EVI5: variants seen among roughly 807,000 people sequenced by gnomAD.
The protein encoded by EVI5 is ecotropic viral integration site 5 protein homolog.
A neutral mutation model predicts 112.0 loss-of-function variants in EVI5; 73 were observed. The ratio of observed to expected loss-of-function variants is 0.65; its 90% confidence interval spans 0.54 to 0.79. The LOEUF (loss-of-function observed/expected upper bound fraction) is 0.79. Ranked by LOEUF, EVI5 falls within the 30% of genes least tolerant of loss-of-function variation. The pLI, the probability that EVI5 is intolerant of heterozygous loss-of-function variation, is 0.00. For synonymous variants in EVI5, 305 were observed against 319.9 expected (o/e 0.95, Z 0.50); for missense variants, 900 against 968.8 (o/e 0.93, Z 0.94).
intron 5 of EVI5, among the ~76,000 whole-genome samples, 171 bp from the exon 6 acceptor site, chr1:92,698,156 T>C (rs981456008): frequency 2.0e-5 from 3 of 152,298 alleles, no homozygotes; most frequent in African/African-American, 4.8e-5. Flanking sequence ...TCCCATTCTA[T>C]CACCAAGAAT....
At position 92,671,625 on chromosome 1, in the gene EVI5, A is replaced by C. The variant is rs192568994; in HGVS notation, c.1158+5533T>G. ...AATTGGGCTCCTGGTATCCCCACTAAACCAAATCCTTCTGGAGTCTTTCCC... is the reference window on the plus strand; with the variant it reads ...AATTGGGCTCCTGGTATCCCCACTACACCAAATCCTTCTGGAGTCTTTCCC... On this transcript the variant is annotated intron_variant, in intron 10 of 19. Transcript: ENST00000684568. 1.3e-4 allele frequency among the ~76,000 whole-genome samples: 20 copies of C among 152,128 alleles called. No individual in the cohort carries two copies. The East Asian group carries it at 3.5e-3, about 26-fold the overall frequency.
At chr1:92,744,805 A>T (rs1679018930) in intron 1 of EVI5, among the ~76,000 whole-genome samples, 1 of 152,188 alleles carries the variant, frequency 6.6e-6, no homozygotes, top group Admixed American at 6.5e-5. Context: ...CAAGCTATGT[A>T]GTGAATCACA....
intron 1 of EVI5, among the ~76,000 whole-genome samples, chr1:92,771,595 T>C (rs1490716799): frequency 7.9e-6 from 1 of 126,374 alleles, no homozygotes; most frequent in Admixed American, 9.2e-5. Context: ...AAGGAATATA[T>C]CAATTTTCTT....
At chr1:92,605,215 C>G in intron 18 of EVI5, 92 bp downstream of exon 18, 1 of 855,030 alleles carries the variant, frequency 1.2e-6, no homozygotes, top group South Asian at 1.6e-5. Flanking sequence ...AAAAGAATCA[C>G]AGTCACGAGG....
intron 17 of EVI5, among the ~76,000 whole-genome samples, chr1:92,605,766 G>A (rs928052129): frequency 2.0e-5 from 3 of 152,048 alleles, no homozygotes; most frequent in Non-Finnish European, 4.4e-5. Flanking sequence ...AAATTAAGTT[G>A]AGAGGGAAAA....
chr1:92,547,401 G>T (rs1405695854), intron 19 of EVI5, among the ~76,000 whole-genome samples: 4 of 152,186 alleles, frequency 2.6e-5, no homozygotes, highest in Non-Finnish European at 4.4e-5. Flanking sequence ...AAGCAGGAAA[G>T]ATCTAAAATT....
intron 13 of EVI5, among the ~76,000 whole-genome samples, chr1:92,646,420 T>C (rs952240755): frequency 6.6e-6 from 1 of 152,196 alleles, no homozygotes; most frequent in Non-Finnish European, 1.5e-5. Context: ...GACCCCTCTT[T>C]GTCCACAGCT....
At chr1:92,552,655 A>G (rs1458094154) in intron 19 of EVI5, among the ~76,000 whole-genome samples, 2 of 152,278 alleles carry the variant, frequency 1.3e-5, no homozygotes, top group East Asian at 3.9e-4. Context: ...ATCAGATTCA[A>G]ATCCCTTGTT....
At chr1:92,673,047 G>T (rs574030414) in intron 10 of EVI5, among the ~76,000 whole-genome samples, 1 of 152,204 alleles carries the variant, frequency 6.6e-6, no homozygotes, top group South Asian at 2.1e-4. Flanking sequence ...CTTTAATAAT[G>T]CTGTTTTAAG....
At chr1:92,524,158 A>AG (rs1376638162) in intron 19 of EVI5, among the ~76,000 whole-genome samples, 2 of 151,760 alleles carry the variant, frequency 1.3e-5, no homozygotes, top group East Asian at 1.9e-4. Flanking sequence ...AAAAAAAAAA[A>AG]AAAGATTCTT....
At chr1:92,711,478 C>T (rs755100582) in intron 2 of EVI5, among the ~76,000 whole-genome samples, 1 of 152,076 alleles carries the variant, frequency 6.6e-6, no homozygotes, top group African/African-American at 2.4e-5. Flanking sequence ...GGAAGAAAAA[C>T]GCTGTATGAT....
intron 13 of EVI5, among the ~76,000 whole-genome samples, chr1:92,649,544 A>C (rs903932477): frequency 6.6e-6 from 1 of 152,196 alleles, no homozygotes; most frequent in Non-Finnish European, 1.5e-5. Flanking sequence ...GGCTGAGCAC[A>C]GTGGCTTATG....
Position 92,662,842 on chromosome 1 carries a change from C to T in EVI5, c.1269G>A (p.Glu423=), listed in dbSNP as rs1664251994. 1 of 1,288,086 alleles carries T rather than the reference C, an allele frequency of 7.8e-7. No homozygotes were observed. The allele number at this position is 1,288,086 out of a possible 1,614,324, so 79.8% of individuals were successfully genotyped here. A position where few individuals can be genotyped will look rare whatever the true frequency, so the allele number is the denominator to read the frequency against. ...GTTTTATGAGGTAGTTTTCCTCAGCCTCCTGGGCTCTTGTCACTTGTCCCT... is the reference window on the plus strand; with the variant it reads ...GTTTTATGAGGTAGTTTTCCTCAGCTTCCTGGGCTCTTGTCACTTGTCCCT... ...LIQGQVTRAQ[E]AEENYLIKRE... The change falls in exon 13 of 20, where the codon GAG becomes GAA. Residue 423 remains glutamate, a synonymous_variant. Transcript: ENST00000684568.
At chr1:92,518,855 A>G (rs984616840) in intron 19 of EVI5, among the ~76,000 whole-genome samples, 1 of 152,202 alleles carries the variant, frequency 6.6e-6, no homozygotes. Context: ...GTTTTGTATA[A>G]AAGATTTAAG....
Position 92,624,402 on chromosome 1 carries a change from C to T in EVI5, c.1669-68G>A, listed in dbSNP as rs112647994. On this transcript the variant is annotated intron_variant, in intron 15 of 19. Coordinates refer to ENST00000684568, the MANE Select transcript of EVI5 (RefSeq NM_001350197.2). ...CAAAATAAGAGCTAATATTACTGAG[C>T]GCTTATTTCAGGCCTGTGATATATA... The T allele has an allele frequency of 1.1e-3, 1,399 of 1,314,302 alleles. 19 individuals carry two copies. Among genetic ancestry groups the T allele is most frequent in the South Asian group, 9.8e-3 (780 of 79,962 alleles). 81.4% of individuals were successfully genotyped at this position (1,314,302 alleles called of 1,614,324 possible). A position where few individuals can be genotyped will look rare whatever the true frequency, so the allele number is the denominator to read the frequency against.
chr1:92,641,131 A>G (rs1211693355), intron 13 of EVI5, among the ~76,000 whole-genome samples: 3 of 152,210 alleles, frequency 2.0e-5, no homozygotes, highest in Non-Finnish European at 4.4e-5. Flanking sequence ...CCACCATGGC[A>G]CACATATACC....
At chr1:92,569,289 AG>A (rs1669954404) in intron 18 of EVI5, among the ~76,000 whole-genome samples, 1 of 152,238 alleles carries the variant, frequency 6.6e-6, no homozygotes, top group African/African-American at 2.4e-5. Flanking sequence ...TCTGAACATG[AG>A]AAACAATTAA....
At chr1:92,593,855 G>A (rs999472566) in intron 18 of EVI5, among the ~76,000 whole-genome samples, 5 of 152,232 alleles carry the variant, frequency 3.3e-5, no homozygotes, top group African/African-American at 7.2e-5. Flanking sequence ...TAGGAATCCA[G>A]CTTACAAGGG....
At chr1:92,690,384 T>C (rs908411869) in intron 9 of EVI5, among the ~76,000 whole-genome samples, 6 of 150,710 alleles carry the variant, frequency 4.0e-5, no homozygotes, top group Non-Finnish European at 8.8e-5. Flanking sequence ...GGTCTCACTC[T>C]ATTGCCAAGG....
Sources: allele counts gnomAD v4.1 joint callset (sites outside exome capture counted in the v4.1 genomes callset), GRCh38; gene constraint gnomAD v4.1.1; transcripts MANE v1.5; gene names NCBI Gene and HGNC (gene_info 2026-07-23, HGNC 2026-07-21).